Variants in ADAMTSL1 observed in about 807,000 individuals in gnomAD.
ADAMTSL1 encodes the protein ADAMTS like 1.
In ADAMTSL1, 126 loss-of-function variants were observed where a neutral mutation model predicts 201.8. The ratio of observed to expected loss-of-function variants is 0.62; its 90% CI spans 0.54 to 0.72. The LOEUF (loss-of-function observed/expected upper bound fraction) is 0.72. Among genes scored for constraint, ADAMTSL1 ranks in the 30% least tolerant of loss-of-function variants. The probability of loss-of-function intolerance (pLI) is 0.00; values close to 1 mark genes in which losing one functional copy is unlikely to be tolerated. For missense variants in ADAMTSL1, 2,679 were observed against 2,277.8 expected, an observed-to-expected ratio of 1.18 and a Z score of -3.59; for synonymous variants, 1,121 against 903.4, an observed-to-expected ratio of 1.24 and a Z score of -4.32.
At chr9:17,981,166 G>A (rs1305124768) in intron 1 of ADAMTSL1, among the ~76,000 whole-genome samples, 2 of 152,178 alleles carry the variant, frequency 1.3e-5, no homozygotes, top group African/African-American at 2.4e-5. Flanking sequence ...GATACAATGG[G>A]AAGGTGGCCC....
chr9:18,784,853 A>G (rs1010940227), intron 19 of ADAMTSL1, among the ~76,000 whole-genome samples: 1 of 152,140 alleles, frequency 6.6e-6, no homozygotes, highest in Non-Finnish European at 1.5e-5. Flanking sequence ...AACTCGCTCA[A>G]AGTCTCTCAC....
chr9:18,726,525 TA>T (rs967367893), intron 15 of ADAMTSL1, among the ~76,000 whole-genome samples: 5 of 148,236 alleles, frequency 3.4e-5, no homozygotes, highest in Admixed American at 2.0e-4. Context: ...AAAAAAAAAA[TA>T]AGCTTTAGCA....
chr9:18,111,567 C>G (rs907917329), intron 1 of ADAMTSL1, among the ~76,000 whole-genome samples: 1 of 152,118 alleles, frequency 6.6e-6, no homozygotes, highest in African/African-American at 2.4e-5. Context: ...TCATCATTGT[C>G]AATAAATATT....
chr9:17,930,876 A>G (rs888780613), intron 1 of ADAMTSL1, among the ~76,000 whole-genome samples: 2 of 152,152 alleles, frequency 1.3e-5, no homozygotes, highest in Admixed American at 6.5e-5. Flanking sequence ...AGCTGTATTC[A>G]TAATATGCGC....
At chr9:17,985,060 G>C (rs1415027088) in intron 1 of ADAMTSL1, among the ~76,000 whole-genome samples, 1 of 152,066 alleles carries the variant, frequency 6.6e-6, no homozygotes, top group Admixed American at 6.6e-5. Context: ...TTTTAAAATA[G>C]GAAGATGGAA....
At chr9:18,351,411 C>G (rs1485686189) in intron 2 of ADAMTSL1, among the ~76,000 whole-genome samples, 2 of 151,886 alleles carry the variant, frequency 1.3e-5, no homozygotes, top group South Asian at 4.2e-4. Context: ...ATATCTTTGA[C>G]CAGATGAGGA....
At chr9:18,747,621 G>C (rs1242216050) in intron 15 of ADAMTSL1, among the ~76,000 whole-genome samples, 3 of 152,068 alleles carry the variant, frequency 2.0e-5, no homozygotes, top group Non-Finnish European at 4.4e-5. Flanking sequence ...CTGTGGACAG[G>C]AATAATGCAT....
intron 13 of ADAMTSL1, among the ~76,000 whole-genome samples, chr9:18,688,555 C>T (rs567985908): frequency 1.4e-5 from 2 of 146,018 alleles, no homozygotes; most frequent in Non-Finnish European, 3.0e-5. Context: ...ATATTCGCAG[C>T]TACTCAGGAG....
At chr9:18,069,567 C>G (rs773997193) in intron 1 of ADAMTSL1, among the ~76,000 whole-genome samples, 3 of 152,100 alleles carry the variant, frequency 2.0e-5, no homozygotes, top group Non-Finnish European at 2.9e-5. Flanking sequence ...ATTTCAAAGC[C>G]CACTTATGGG....
intron 1 of ADAMTSL1, among the ~76,000 whole-genome samples, chr9:18,503,761 T>C (rs1487149511): frequency 1.3e-5 from 2 of 152,126 alleles, no homozygotes; most frequent in African/African-American, 2.4e-5. Flanking sequence ...CATGTACCAG[T>C]TGGAAAACCA....
chr9:18,492,188 T>A (rs1822300501), intron 1 of ADAMTSL1, among the ~76,000 whole-genome samples: 1 of 152,140 alleles, frequency 6.6e-6, no homozygotes, highest in South Asian at 2.1e-4. Flanking sequence ...GTCATGAAGA[T>A]TATTGATATA....
intron 15 of ADAMTSL1, among the ~76,000 whole-genome samples, chr9:18,733,906 A>AC (rs1261687198): frequency 1.9e-5 from 2 of 105,940 alleles, no homozygotes; most frequent in Non-Finnish European, 3.8e-5. Flanking sequence ...CACCACCCCC[A>AC]CCCCCATTCA....
chr9:18,120,263 G>A lies in ADAMTSL1; in HGVS notation c.88-43599G>A, dbSNP rs369369548. On this transcript the variant is annotated intron_variant, in intron 1 of 29. Coordinates refer to the ADAMTSL1 transcript ENST00000680146. ...TGAGACTGCTCTCAACATGGCAGCT[G>A]GCTTGGCCCAGAGTGAGTGATTCCA... Among the ~76,000 whole-genome samples, 195 of 152,322 alleles carry A rather than the reference G, an allele frequency of 1.3e-3. 7 individuals carry two copies. In the South Asian group the frequency reaches 0.04, roughly 31 times the overall value.
chr9:18,295,952 A>G (rs568737897), intron 2 of ADAMTSL1, among the ~76,000 whole-genome samples: 2 of 152,332 alleles, frequency 1.3e-5, no homozygotes, highest in African/African-American at 4.8e-5. Flanking sequence ...GATTAACCTT[A>G]GTATTACTAA....
At chr9:18,256,133 T>A (rs140478998) in intron 2 of ADAMTSL1, among the ~76,000 whole-genome samples, 2 of 152,232 alleles carry the variant, frequency 1.3e-5, no homozygotes, top group Admixed American at 1.3e-4. Flanking sequence ...CTGAGCATAG[T>A]CTACAAGTCT....
chr9:18,433,365 A>G (rs1819581516), intron 2 of ADAMTSL1, among the ~76,000 whole-genome samples: 1 of 151,918 alleles, frequency 6.6e-6, no homozygotes, highest in South Asian at 2.1e-4. Context: ...TAACAGAATG[A>G]CTCCATATTT....
At chr9:18,230,740 A>ATAAT (rs1046781066) in intron 2 of ADAMTSL1, among the ~76,000 whole-genome samples, 1 of 152,196 alleles carries the variant, frequency 6.6e-6, no homozygotes, top group Non-Finnish European at 1.5e-5. Context: ...AAACATTATT[A>ATAAT]TAATTAATTA....
chr9:18,379,252 A>G (rs1046423571), intron 2 of ADAMTSL1, among the ~76,000 whole-genome samples: 1 of 152,226 alleles, frequency 6.6e-6, no homozygotes, highest in East Asian at 1.9e-4. Context: ...AGAAACTCTA[A>G]GGAAACAGAT....
intron 2 of ADAMTSL1, among the ~76,000 whole-genome samples, chr9:18,336,829 G>C (rs1167155453): frequency 6.6e-6 from 1 of 152,098 alleles, no homozygotes; most frequent in East Asian, 1.9e-4. Context: ...TGTGTTTATA[G>C]AGATGGCCAT....
Sources: gnomAD v4.1 joint callset for allele counts (sites outside exome capture counted in the v4.1 genomes callset) on GRCh38, gnomAD v4.1.1 for gene constraint, MANE v1.5 for transcripts, NCBI Gene and HGNC (gene_info 2026-07-23, HGNC 2026-07-21) for gene names.